CLEC16A: variants seen among roughly 807,000 people sequenced by gnomAD.
CLEC16A encodes the protein C-type lectin domain containing 16A, also known as protein CLEC16A.
CLEC16A carries 51 observed loss-of-function variants against 109.5 expected under a neutral mutation model. The observed-to-expected ratio is 0.47, with a 90% CI of 0.37 to 0.59. The LOEUF (loss-of-function observed/expected upper bound fraction) is 0.59. CLEC16A is among the 20% of genes least tolerant of loss of function. The pLI is 0.00. For synonymous variants in CLEC16A, 673 were observed against 564.2 expected, an observed-to-expected ratio of 1.19 and a Z score of -2.73; for missense variants, 1,339 against 1,394.0, an observed-to-expected ratio of 0.96 and a Z score of 0.63.
chr16:11,122,158 CTG>C (rs2052467364), intron 20 of CLEC16A, among the ~76,000 whole-genome samples: 1 of 152,198 alleles, frequency 6.6e-6, no homozygotes, highest in Admixed American at 6.5e-5. Flanking sequence ...GACCTGCTGT[CTG>C]TGTCCTGCTC....
At chr16:11,044,541 A>G (rs144963959) in intron 16 of CLEC16A, among the ~76,000 whole-genome samples, 22 of 152,354 alleles carry the variant, frequency 1.4e-4, no homozygotes, top group African/African-American at 2.6e-4. Context: ...CTAAACCTCT[A>G]TTAACGTTTA....
Position 11,052,129 on chromosome 16 carries a change from T to C in CLEC16A, c.1995+488T>C, listed in dbSNP as rs553249013. Among the ~76,000 whole-genome samples, 106 of 152,322 alleles carry C rather than the reference T, an allele frequency of 7.0e-4. 1 individual carries two copies. The South Asian group carries it at 0.022, about 31-fold the overall frequency. On this transcript the variant is annotated intron_variant, in intron 18 of 23. Coordinates refer to ENST00000409790, the MANE Select transcript of CLEC16A (RefSeq NM_015226.3). ...GGACAGATATGTGTGAAAAGATTAGTTCTCAGAACCAGCTGCAGTGTGTGC... is the reference window on the plus strand; with the variant it reads ...GGACAGATATGTGTGAAAAGATTAGCTCTCAGAACCAGCTGCAGTGTGTGC...
At chr16:11,006,527 C>T (rs1482575547) in intron 11 of CLEC16A, among the ~76,000 whole-genome samples, 1 of 152,096 alleles carries the variant, frequency 6.6e-6, no homozygotes, top group Non-Finnish European at 1.5e-5. Context: ...GACAGATGGA[C>T]ATGGTGACTC....
rs3029840 is a variant in CLEC16A, at chr16:11,022,902, A to AATAT, written c.1437-1900_1437-1897dup. Among the ~76,000 whole-genome samples, 428 of 143,042 alleles carry AATAT rather than the reference A, an allele frequency of 3.0e-3. 1 individual carries two copies. Among genetic ancestry groups the AATAT allele is most frequent in the East Asian group, 5.7e-3 (28 of 4,954 alleles). The allele number at this position is 143,042 out of a possible 152,430, so 93.8% of individuals were successfully genotyped here. On this transcript the variant is annotated intron_variant, in intron 12 of 23. Coordinates refer to ENST00000409790, the MANE Select transcript of CLEC16A (RefSeq NM_015226.3). ...CAACAGAGCGAGATTCCATCTCAAA[A>AATAT]ATATATATATATATATATATATGTA...
intron 19 of CLEC16A, among the ~76,000 whole-genome samples, chr16:11,072,183 A>G (rs887439022): frequency 2.0e-5 from 3 of 152,090 alleles, no homozygotes; most frequent in Admixed American, 1.3e-4. Flanking sequence ...GTGCAGTGGC[A>G]CAGTCTTGGC....
At chr16:11,051,477 A>C in intron 17 of CLEC16A, 36 bp from the exon 18 acceptor site, 1 of 1,590,272 alleles carries the variant, frequency 6.3e-7, no homozygotes, top group South Asian at 1.1e-5. Flanking sequence ...CCAAGTAAGG[A>C]ATCTGCTTTG....
At chr16:11,076,862 C>T (rs1277978432) in intron 19 of CLEC16A, among the ~76,000 whole-genome samples, 1 of 152,208 alleles carries the variant, frequency 6.6e-6, no homozygotes, top group East Asian at 1.9e-4. Flanking sequence ...CCAGGGCCTG[C>T]TGGGGAGATC....
chr16:11,062,353 T>C (rs1248208563), intron 19 of CLEC16A, among the ~76,000 whole-genome samples: 1 of 152,204 alleles, frequency 6.6e-6, no homozygotes. Flanking sequence ...AGTGTATAAT[T>C]CAATGAGTTT....
intron 22 of CLEC16A, among the ~76,000 whole-genome samples, chr16:11,132,522 G>A (rs532340805): frequency 3.3e-5 from 5 of 152,160 alleles, no homozygotes; most frequent in Admixed American, 1.3e-4. Context: ...GCGAACATTC[G>A]TGCACAAGCT....
intron 22 of CLEC16A, among the ~76,000 whole-genome samples, chr16:11,132,952 A>G (rs2053318380): frequency 6.6e-6 from 1 of 152,138 alleles, no homozygotes; most frequent in Non-Finnish European, 1.5e-5. Context: ...TTTCTGTCTT[A>G]TTCAGGTCTG....
At chr16:11,176,343 C>T (rs759991120) in intron 23 of CLEC16A, among the ~76,000 whole-genome samples, 1 of 152,228 alleles carries the variant, frequency 6.6e-6, no homozygotes, top group Non-Finnish European at 1.5e-5. Flanking sequence ...TTCACCGATG[C>T]CCATTGCCAC....
chr16:11,039,773 A>T lies in CLEC16A; in HGVS notation c.1557A>T (p.Leu519Phe). The change falls in exon 14 of 24, where the codon TTA (leucine) becomes TTT (phenylalanine). Residue 519 changes from leucine to phenylalanine, a missense_variant. Physicochemically the swap from Leu to Phe is conservative, Grantham distance 22. Around this residue, in one of 3 missense-constraint regions of CLEC16A, gnomAD observed 1,061 missense variants for 1,006.8 expected, o/e 1.05. Transcript: ENST00000409790. Reference sequence around the variant, plus strand: ...TTCCAGGCATGGATCCTGAAAAATTAGAGCGAATCCAGCTCCCCGTGCCAA... The same window carrying T: ...TTCCAGGCATGGATCCTGAAAAATTTGAGCGAATCCAGCTCCCCGTGCCAA... ...SHNKGMDPEK[L>F]ERIQLPVPNA... is the part of the protein sequence containing the mutation. 6.2e-7 allele frequency: 1 copy of T among 1,603,020 alleles called. No homozygotes were observed. Among genetic ancestry groups the T allele is most frequent in the Non-Finnish European group, 8.5e-7 (1 of 1,174,902 alleles).
intron 16 of CLEC16A, among the ~76,000 whole-genome samples, chr16:11,045,576 A>G (rs1273325481): frequency 6.6e-6 from 1 of 152,088 alleles, no homozygotes; most frequent in Non-Finnish European, 1.5e-5. Context: ...AGAAACACTC[A>G]GGCCTTGCCA....
At chr16:11,162,935 C>G (rs2054776054) in intron 22 of CLEC16A, among the ~76,000 whole-genome samples, 1 of 152,190 alleles carries the variant, frequency 6.6e-6, no homozygotes. Flanking sequence ...CTCTGATACA[C>G]ATTTTGCAGG....
rs144344219 is a variant in CLEC16A at position 11,178,640 on chromosome 16, G to A, written c.3112G>A (p.Val1038Met). The change falls in exon 24 of 24, where the codon GTG (valine) becomes ATG (methionine). Residue 1038 changes from valine (V) to methionine (M), a missense_variant. Transcript: ENST00000409790. This position sits in a 1 kb window ranked among gnomAD's most constrained non-coding sequence, Gnocchi z 6.5. ...GCCGGCTGCCGCCTGCACAGAGCCC[G>A]TGGGCGAAGAGGCTGCATGTGCTGA... ...STPAAACTEP[V>M]GEEAACAEPV... 5.2e-4 allele frequency: 820 copies of A among 1,582,362 alleles called. 5 individuals carry two copies. The East Asian group carries it at 0.011, about 21-fold the overall frequency.
chr16:11,019,889 G>A (rs2045991935), intron 11 of CLEC16A, among the ~76,000 whole-genome samples: 1 of 152,152 alleles, frequency 6.6e-6, no homozygotes, highest in Non-Finnish European at 1.5e-5. Flanking sequence ...AGGAAATGTG[G>A]TATCAATAAA....
intron 19 of CLEC16A, among the ~76,000 whole-genome samples, chr16:11,062,037 T>C (rs1006328774): frequency 6.6e-6 from 1 of 152,184 alleles, no homozygotes; most frequent in Admixed American, 6.5e-5. Flanking sequence ...AGACGTGTTA[T>C]TGGCCTAGCT....
chr16:11,027,205 A>C (rs2046457309), intron 13 of CLEC16A: 9 of 1,406,268 alleles, frequency 6.4e-6, no homozygotes, highest in Non-Finnish European at 9.0e-6. Context: ...GATTACTGGC[A>C]GCAGAAACCT....
chr16:11,130,054 A>C (rs1015148857), intron 22 of CLEC16A, among the ~76,000 whole-genome samples: 1 of 151,972 alleles, frequency 6.6e-6, no homozygotes, highest in Non-Finnish European at 1.5e-5. Context: ...GAGCCACCGC[A>C]CCCAGCCTAG....
Sources: allele counts gnomAD v4.1 joint callset (sites outside exome capture counted in the v4.1 genomes callset), GRCh38; gene constraint gnomAD v4.1.1; regional missense constraint gnomAD v4.1.1; non-coding constraint Gnocchi (gnomAD v3.1); transcripts MANE v1.5; gene names NCBI Gene and HGNC (gene_info 2026-07-23, HGNC 2026-07-21).